FSIP2: variants seen among roughly 807,000 people sequenced by gnomAD.
FSIP2 encodes the protein fibrous sheath-interacting protein 2.
A neutral mutation model predicts 510.5 loss-of-function variants in FSIP2; 367 were observed. The observed-to-expected ratio is 0.72, with a 90% CI of 0.66 to 0.78. The LOEUF is 0.78. Ranked by LOEUF, FSIP2 falls within the 30% of genes least tolerant of loss-of-function variation. The pLI is 0.00. For synonymous variants in FSIP2, 2,601 were observed against 2,732.2 expected (o/e 0.95, Z 1.50); for missense variants, 7,594 against 7,901.7 (o/e 0.96, Z 1.48).
intron 7 of FSIP2, among the ~76,000 whole-genome samples, chr2:185,747,878 C>T (rs1456712687): frequency 6.6e-6 from 1 of 152,030 alleles, no homozygotes; most frequent in Non-Finnish European, 1.5e-5. Context: ...CTCACATATA[C>T]ACATACACCC....
chr2:185,815,268 C>G, intron 18 of FSIP2, 103 bp from the exon 19 acceptor site: 1 of 627,094 alleles, frequency 1.6e-6, no homozygotes, highest in Middle Eastern at 3.7e-4. Context: ...ATCTCTGGAA[C>G]TTTTTTCCAT....
At chr2:185,780,729 G>A (rs1692832418) in intron 13 of FSIP2, among the ~76,000 whole-genome samples, 1 of 151,870 alleles carries the variant, frequency 6.6e-6, no homozygotes, top group African/African-American at 2.4e-5. Context: ...GTGGAGAGTG[G>A]GAGGTTGTTA....
At position 185,790,154 on chromosome 2, in the gene FSIP2, G is replaced by A. The variant is rs749477786; in HGVS notation, c.3018G>A (p.Glu1006=). The A allele has an allele frequency of 3.3e-6, 5 of 1,532,594 alleles. No individual in the cohort carries two copies. The highest frequency in any genetic ancestry group is 4.4e-6 in the Non-Finnish European group (5 of 1,144,840). 94.9% of individuals were successfully genotyped at this position (1,532,594 alleles called of 1,614,324 possible). ...GMVLYSDDEN[E]EIDNIVKNVL... is the part of the protein sequence containing the mutation. ...TTCTTTATTCTGATGATGAAAATGA[G>A]GAAATAGACAATATTGTAAAAAATG... Residue 1006 remains glutamate (E), a synonymous_variant, in exon 16 of 23, where the codon GAG becomes GAA. Coordinates refer to ENST00000424728, the MANE Select transcript of FSIP2 (RefSeq NM_173651.4).
chr2:185,738,294 C>T (rs76843521), upstream of FSIP2: 4 of 330,190 alleles, frequency 1.2e-5, no homozygotes, highest in East Asian at 8.1e-5. Context: ...GATCAAGCTG[C>T]AGGAGCAGAG....
Position 185,796,215 on chromosome 2 carries a change from C to CT in FSIP2, c.9082dup (p.Ser3028PhefsTer24). Reference sequence around the variant, plus strand: ...AATTGTGAAAATGCCTATAGAAAACCTTTCTTCTATCCAACAGAAACTGTT... The same window carrying CT: ...AATTGTGAAAATGCCTATAGAAAACCTTTTCTTCTATCCAACAGAAACTGTT... On this transcript the variant is annotated frameshift_variant, in exon 16 of 23. Coordinates refer to ENST00000424728, the MANE Select transcript of FSIP2 (RefSeq NM_173651.4). LOFTEE classifies it high-confidence loss of function. The CT allele has an allele frequency of 6.5e-7, 1 of 1,529,618 alleles. No individual in the cohort carries two copies. Among genetic ancestry groups the CT allele is most frequent in the Non-Finnish European group, 8.7e-7 (1 of 1,144,676 alleles). The allele number at this position is 1,529,618 out of a possible 1,614,324, so 94.8% of individuals were successfully genotyped here.
Position 185,793,791 on chromosome 2 carries a change from A to T in FSIP2, c.6655A>T (p.Asn2219Tyr). 1 of 1,532,704 alleles carries T rather than the reference A, an allele frequency of 6.5e-7. No individual in the cohort carries two copies. The allele number at this position is 1,532,704 out of a possible 1,614,324, so 94.9% of individuals were successfully genotyped here. ...AACAGAGCGTTTTTCATATTCAAGA[A>T]ATCAGAAATCAGCTTATGCTGATGA... ...RKTERFSYSR[N>Y]QKSAYADDNQ... The change falls in exon 16 of 23, where the codon AAT becomes TAT. Residue 2219 changes from asparagine (N) to tyrosine (Y), a missense_variant. Asn to Tyr is a moderately radical substitution (Grantham distance 143, BLOSUM62 -2). Transcript: ENST00000424728.
chr2:185,797,353 ATTC>A lies in FSIP2; in HGVS notation c.10223_10225del (p.Ser3408del), dbSNP rs1295785719. The stretch of plus-strand genomic sequence containing the variant: ...GAAAACCTTGAAGCCAGCCGGGAAG[ATTC>A]TTCTTTTTTGCAAAAATTGAAAAAA... On this transcript the variant is annotated inframe_deletion, in exon 16 of 23. Coordinates refer to ENST00000424728, the MANE Select transcript of FSIP2 (RefSeq NM_173651.4). 3.9e-6 allele frequency: 6 copies of A among 1,528,414 alleles called. No homozygotes were observed. The highest frequency in any genetic ancestry group is 1.4e-5 in the African/African-American group (1 of 72,184). 94.7% of individuals were successfully genotyped at this position (1,528,414 alleles called of 1,614,324 possible).
At chr2:185,810,059 A>T (rs1236825668) in intron 17 of FSIP2, among the ~76,000 whole-genome samples, 2 of 152,030 alleles carry the variant, frequency 1.3e-5, no homozygotes, top group Non-Finnish European at 2.9e-5. Flanking sequence ...GACAATTAGC[A>T]AAGTTTTATA....
In FSIP2 at chr2:185,808,160, T is replaced by C. The variant is rs1281051560; in HGVS notation, c.18854T>C (p.Ile6285Thr). ...AAAAGCAATGTCCTCTCTGATACAATAGGCTTTTTAATGGTGAATGCAATT... is the reference window on the plus strand; with the variant it reads ...AAAAGCAATGTCCTCTCTGATACAACAGGCTTTTTAATGGTGAATGCAATT... ...MGKSNVLSDT[I>T]GFLMVNAISN... The change falls in exon 17 of 23, where the codon ATA becomes ACA. Residue 6285 changes from isoleucine (I) to threonine (T), a missense_variant. Ile to Thr is a moderately conservative substitution (Grantham distance 89, BLOSUM62 -1). Coordinates refer to ENST00000424728, the MANE Select transcript of FSIP2 (RefSeq NM_173651.4). 5.0e-6 allele frequency: 8 copies of C among 1,611,424 alleles called. No homozygotes were observed. Among genetic ancestry groups the C allele is most frequent in the African/African-American group, 1.3e-5 (1 of 74,890 alleles).
chr2:185,807,119 T>TA lies in FSIP2; in HGVS notation c.17816dup (p.Asn5939LysfsTer3). ...TCTCAAGACTCTATTTGGAAGAATATAAACAGTAATGGAGAAAATTTAGCA... is the reference window on the plus strand; with the variant it reads ...TCTCAAGACTCTATTTGGAAGAATATAAAACAGTAATGGAGAAAATTTAGCA... On this transcript the variant is annotated frameshift_variant, in exon 17 of 23. Coordinates refer to ENST00000424728, the MANE Select transcript of FSIP2 (RefSeq NM_173651.4). LOFTEE classifies it high-confidence loss of function. 1 of 1,600,398 alleles carries TA rather than the reference T, an allele frequency of 6.2e-7. No individual in the cohort carries two copies. Among genetic ancestry groups the TA allele is most frequent in the Non-Finnish European group, 8.5e-7 (1 of 1,175,476 alleles).
rs1473141082 is a variant in FSIP2 at position 185,793,091 on chromosome 2, G to A, written c.5955G>A (p.Lys1985=). ...QFSCCSVDHT[K]SGKTNLCQLS... ...CCTGTTGCTCAGTAGATCATACCAAGTCAGGAAAGACCAACTTGTGCCAAC... is the reference window on the plus strand; with the variant it reads ...CCTGTTGCTCAGTAGATCATACCAAATCAGGAAAGACCAACTTGTGCCAAC... The change falls in exon 16 of 23, where the codon AAG becomes AAA. Residue 1985 remains lysine (K), a synonymous_variant. Transcript: ENST00000424728. 1 of 1,534,218 alleles carries A rather than the reference G, an allele frequency of 6.5e-7. No homozygotes were observed. The highest frequency in any genetic ancestry group is 1.4e-5 in the African/African-American group (1 of 72,850).
At position 185,801,182 on chromosome 2, in the gene FSIP2, A is replaced by C. The variant is rs1412764341; in HGVS notation, c.11876A>C (p.Asn3959Thr). Residue 3959 changes from asparagine to threonine, a missense_variant, in exon 17 of 23, where the codon AAT (asparagine) becomes ACT (threonine). Coordinates refer to ENST00000424728, the MANE Select transcript of FSIP2 (RefSeq NM_173651.4). ...TKEMDKVAIH[N>T]KLHQEGIYAG... ...GAAATGGATAAGGTAGCCATTCATA[A>C]TAAGCTACATCAGGAAGGTATATAT... 2 of 1,534,180 alleles carry C rather than the reference A, an allele frequency of 1.3e-6. No individual in the cohort carries two copies. The highest frequency in any genetic ancestry group is 2.7e-5 in the African/African-American group (2 of 73,006).
intron 13 of FSIP2, among the ~76,000 whole-genome samples, chr2:185,774,582 T>A (rs78544976): frequency 3.3e-5 from 1 of 30,102 alleles, no homozygotes; most frequent in Non-Finnish European, 7.2e-5. Flanking sequence ...TCAAGCAGGA[T>A]TTTTTTTTTT....
intron 12 of FSIP2, among the ~76,000 whole-genome samples, chr2:185,764,044 T>C (rs2105561795): frequency 6.6e-6 from 1 of 151,682 alleles, no homozygotes; most frequent in African/African-American, 2.4e-5. Flanking sequence ...GCTTTGACAT[T>C]GGGTGTCATA....
intron 10 of FSIP2, 94 bp from the exon 11 acceptor site, chr2:185,761,878 A>G: frequency 1.6e-6 from 1 of 637,342 alleles, no homozygotes. Context: ...GAGGGAAAAC[A>G]TCTGTATTCA....
rs183933427 is a variant in FSIP2 at position 185,832,098 on chromosome 2, A to G, written c.20587+216A>G. ...TTACACCAAAGGGACAATGGATCAT[A>G]TAACTAAAATATATCAGGCATTAGC... On this transcript the variant is annotated intron_variant, in intron 22 of 22. Coordinates refer to ENST00000424728, the MANE Select transcript of FSIP2 (RefSeq NM_173651.4). Among the ~76,000 whole-genome samples, 3 of 152,084 alleles carry G rather than the reference A, an allele frequency of 2.0e-5. No homozygotes were observed. In the East Asian group the frequency reaches 5.8e-4, roughly 30 times the overall value.
chr2:185,803,025 A>G lies in FSIP2; in HGVS notation c.13719A>G (p.Ile4573Met), dbSNP rs1378816445. The stretch of plus-strand genomic sequence containing the variant: ...TCACAAGCAGTAATGACATTCTTAT[A>G]GATAGAATAGCAGGTTTCATCATTA... Reference protein sequence around the residue: ...QNITSSNDILIDRIAGFIIKH... With the variant: ...QNITSSNDILMDRIAGFIIKH... The change falls in exon 17 of 23, where the codon ATA (isoleucine) becomes ATG (methionine). Residue 4573 changes from isoleucine (I) to methionine (M), a missense_variant. Ile to Met is a conservative substitution (Grantham distance 10). Transcript: ENST00000424728. 7.9e-6 allele frequency: 12 copies of G among 1,526,544 alleles called. No homozygotes were observed. Among genetic ancestry groups the G allele is most frequent in the Non-Finnish European group, 8.8e-6 (10 of 1,142,598 alleles). 94.6% of individuals were successfully genotyped at this position (1,526,544 alleles called of 1,614,324 possible).
chr2:185,752,046 C>T (rs1249781373), intron 7 of FSIP2, among the ~76,000 whole-genome samples: 2 of 150,326 alleles, frequency 1.3e-5, no homozygotes, highest in Non-Finnish European at 3.0e-5. Flanking sequence ...TTTTTGTATA[C>T]CCATATTTTC....
At chr2:185,745,641 T>A (rs1692014697) in intron 5 of FSIP2, 73 bp downstream of exon 5, 2 of 1,297,892 alleles carry the variant, frequency 1.5e-6, no homozygotes, top group Non-Finnish European at 2.1e-6. Context: ...CTAGAAAGAA[T>A]TGAAGACAAT....
Sources: gnomAD v4.1 joint callset for allele counts (sites outside exome capture counted in the v4.1 genomes callset) on GRCh38, gnomAD v4.1.1 for gene constraint, MANE v1.5 for transcripts, NCBI Gene and HGNC (gene_info 2026-07-23, HGNC 2026-07-21) for gene names.